The following SAMMSON variants were observed in gnomAD, a reference collection of about 807,000 sequenced individuals.
The protein encoded by SAMMSON is survival associated mitochondrial melanoma specific oncogenic non-coding RNA, also known as long intergenic non-protein coding RNA 1212.
chr3:70,353,445 T>C (rs371944177), intron 7 of SAMMSON, among the ~76,000 whole-genome samples: 2 of 152,082 alleles, frequency 1.3e-5, no homozygotes, highest in African/African-American at 4.8e-5. Context: ...CTGAGAAGGA[T>C]GTACAGATGG....
At chr3:70,393,147 C>T (rs1701063586), downstream of SAMMSON, among the ~76,000 whole-genome samples, 1 of 152,092 alleles carries the variant, frequency 6.6e-6, no homozygotes, top group African/African-American at 2.4e-5. Context: ...CATTTTATGG[C>T]CTTTACTATA....
At chr3:70,382,321 T>C (rs1162443406) in intron 9 of SAMMSON, among the ~76,000 whole-genome samples, 2 of 152,148 alleles carry the variant, frequency 1.3e-5, no homozygotes, top group African/African-American at 2.4e-5. Flanking sequence ...TGCTCTTTAA[T>C]AATTCCACCC....
At chr3:70,027,984 T>C (rs1266858222) in intron 3 of SAMMSON, among the ~76,000 whole-genome samples, 1 of 152,134 alleles carries the variant, frequency 6.6e-6, no homozygotes, top group Non-Finnish European at 1.5e-5. Context: ...AATTCAGCAG[T>C]ATTAGGGCAA....
At chr3:70,076,174 C>T (rs537933864) in intron 4 of SAMMSON, among the ~76,000 whole-genome samples, 3 of 151,910 alleles carry the variant, frequency 2.0e-5, no homozygotes, top group Non-Finnish European at 4.4e-5. Flanking sequence ...AAATCTAATA[C>T]GGGATTTAAT....
At chr3:70,000,422 T>C (rs760156150) in intron 1 of SAMMSON, among the ~76,000 whole-genome samples, 3 of 152,250 alleles carry the variant, frequency 2.0e-5, no homozygotes, top group Non-Finnish European at 4.4e-5. Context: ...AATATAATGG[T>C]ACAATGATAT....
At chr3:70,037,057 A>G (rs1357067023) in intron 3 of SAMMSON, among the ~76,000 whole-genome samples, 1 of 152,022 alleles carries the variant, frequency 6.6e-6, no homozygotes, top group African/African-American at 2.4e-5. Context: ...TTAGTACAGG[A>G]GGATGTGGTA....
At chr3:70,001,998 G>A (rs2066907644) in intron 1 of SAMMSON, among the ~76,000 whole-genome samples, 1 of 152,120 alleles carries the variant, frequency 6.6e-6, no homozygotes, top group Non-Finnish European at 1.5e-5. Context: ...AACAAAGAGA[G>A]TTAACCAAAG....
At chr3:70,047,298 G>A (rs2067130569) in intron 3 of SAMMSON, among the ~76,000 whole-genome samples, 2 of 151,040 alleles carry the variant, frequency 1.3e-5, no homozygotes, top group African/African-American at 4.9e-5. Flanking sequence ...CAAATAGTAG[G>A]TATTATTATT....
intron 9 of SAMMSON, among the ~76,000 whole-genome samples, chr3:70,381,259 C>A (rs1221312499): frequency 2.0e-5 from 3 of 152,042 alleles, no homozygotes; most frequent in Non-Finnish European, 4.4e-5. Flanking sequence ...TCAGGGTAAC[C>A]AAATAAAGCC....
chr3:70,238,068 T>C (rs1373848537), intron 4 of SAMMSON, among the ~76,000 whole-genome samples: 2 of 139,110 alleles, frequency 1.4e-5, no homozygotes, highest in East Asian at 4.5e-4. Flanking sequence ...ACCTATTCTT[T>C]ATACCTTGAG....
chr3:70,142,765 T>C (rs1037174439), intron 4 of SAMMSON, among the ~76,000 whole-genome samples: 2 of 152,192 alleles, frequency 1.3e-5, no homozygotes, highest in Admixed American at 1.3e-4. Flanking sequence ...ATCTGTTGTG[T>C]GGGAAGCACT....
chr3:70,341,250 C>T (rs1405883872), intron 7 of SAMMSON, among the ~76,000 whole-genome samples: 3 of 152,074 alleles, frequency 2.0e-5, no homozygotes, highest in Non-Finnish European at 4.4e-5. Context: ...CCACAAGAGA[C>T]CATGGAAGAG....
intron 7 of SAMMSON, among the ~76,000 whole-genome samples, chr3:70,313,585 A>G (rs1575623687): frequency 6.6e-6 from 1 of 152,064 alleles, no homozygotes; most frequent in Non-Finnish European, 1.5e-5. Context: ...ATAGCCCACC[A>G]TTTCTAAAAG....
At chr3:70,281,820 C>A (rs554419742) in intron 6 of SAMMSON, among the ~76,000 whole-genome samples, 36 of 152,236 alleles carry the variant, frequency 2.4e-4, no homozygotes, top group African/African-American at 7.2e-4. Context: ...ATAAGTGCAC[C>A]TTGTTTACAA....
intron 3 of SAMMSON, among the ~76,000 whole-genome samples, chr3:70,054,485 C>T (rs1000800852): frequency 6.6e-6 from 1 of 152,122 alleles, no homozygotes; most frequent in Non-Finnish European, 1.5e-5. Flanking sequence ...TGCATCCTCT[C>T]TTGTTCGGTC....
chr3:70,273,658 G>A (rs1039600381), intron 6 of SAMMSON, among the ~76,000 whole-genome samples: 3 of 152,180 alleles, frequency 2.0e-5, no homozygotes, highest in Non-Finnish European at 4.4e-5. Context: ...AGGTACAGAT[G>A]GACTTGGCAC....
At chr3:70,379,163 A>G (rs1177883860) in intron 9 of SAMMSON, among the ~76,000 whole-genome samples, 4 of 151,434 alleles carry the variant, frequency 2.6e-5, no homozygotes, top group Non-Finnish European at 5.9e-5. Flanking sequence ...ACAGGCACGC[A>G]CCACCACATC....
intron 7 of SAMMSON, among the ~76,000 whole-genome samples, chr3:70,300,396 T>C (rs1996816): frequency 0.21 from 31,578 of 151,982 alleles, 3,477 homozygotes; most frequent in South Asian, 0.28. Context: ...GATTCTCTCA[T>C]TTAAACTACC....
At chr3:70,054,823 C>T (rs780028643) in intron 3 of SAMMSON, among the ~76,000 whole-genome samples, 42 of 152,170 alleles carry the variant, frequency 2.8e-4, no homozygotes, top group Non-Finnish European at 5.6e-4. Flanking sequence ...TTCATCCCTG[C>T]TCAATGTTGC....
Sources: gnomAD v4.1 joint callset for allele counts (sites outside exome capture counted in the v4.1 genomes callset) on GRCh38, gnomAD v4.1.1 for gene constraint, MANE v1.5 for transcripts, NCBI Gene and HGNC (gene_info 2026-07-23, HGNC 2026-07-21) for gene names.